The following ST6GALNAC3 variants were observed in gnomAD, a reference collection of about 807,000 sequenced individuals.
ST6GALNAC3 encodes the protein alpha-N-acetylgalactosaminide alpha-2,6-sialyltransferase 3.
A neutral mutation model predicts 32.7 loss-of-function variants in ST6GALNAC3; 25 were observed. The observed-to-expected ratio is 0.76, with a 90% CI of 0.56 to 1.07. ST6GALNAC3 has a LOEUF of 1.07. Among genes scored for constraint, ST6GALNAC3 ranks in the 50% least tolerant of loss-of-function variants. The pLI is 0.00. For synonymous variants in ST6GALNAC3, 129 were observed against 133.1 expected, an observed-to-expected ratio of 0.97 and a Z score of 0.21; for missense variants, 355 against 382.4, an observed-to-expected ratio of 0.93 and a Z score of 0.60.
chr1:76,095,193 T>A (rs1353011342), intron 1 of ST6GALNAC3, among the ~76,000 whole-genome samples: 1 of 152,144 alleles, frequency 6.6e-6, no homozygotes, highest in African/African-American at 2.4e-5. Context: ...CTGGGCATAG[T>A]AATCATATCT....
At chr1:76,127,698 A>T (rs1364192285) in intron 1 of ST6GALNAC3, among the ~76,000 whole-genome samples, 1 of 152,126 alleles carries the variant, frequency 6.6e-6, no homozygotes, top group African/African-American at 2.4e-5. Context: ...GGCAGCTGGT[A>T]ATATGTCAGC....
At chr1:76,332,125 A>C (rs1647198588) in intron 2 of ST6GALNAC3, among the ~76,000 whole-genome samples, 1 of 152,104 alleles carries the variant, frequency 6.6e-6, no homozygotes, top group African/African-American at 2.4e-5. Context: ...TCTTCCATCA[A>C]CTTAGTGTTT....
rs114586194 is a variant in ST6GALNAC3, at chr1:76,191,629, A to G, written c.18+116745A>G. On this transcript the variant is annotated intron_variant, in intron 1 of 4. Coordinates refer to ENST00000328299, the MANE Select transcript of ST6GALNAC3 (RefSeq NM_152996.4). ...AACATATATATGTATCAAAACATCA[A>G]TTGTACCCCATAAATATGTAAAATT... 9.2e-3 allele frequency among the ~76,000 whole-genome samples: 1,401 copies of G among 152,292 alleles called. 25 individuals are homozygous for G. Among genetic ancestry groups the G allele is most frequent in the African/African-American group, 0.031 (1,302 of 41,558 alleles).
intron 3 of ST6GALNAC3, among the ~76,000 whole-genome samples, chr1:76,521,100 G>A (rs1174284174): frequency 6.6e-6 from 1 of 151,828 alleles, no homozygotes; most frequent in Non-Finnish European, 1.5e-5. Flanking sequence ...ATAAAAATAT[G>A]TACCCATGTC....
At chr1:76,266,256 C>A (rs889951332) in intron 1 of ST6GALNAC3, among the ~76,000 whole-genome samples, 1 of 152,160 alleles carries the variant, frequency 6.6e-6, no homozygotes, top group Non-Finnish European at 1.5e-5. Context: ...GTGAGTAACT[C>A]CTTTTCCTGG....
chr1:76,386,406 C>CATTCA (rs151217873), intron 2 of ST6GALNAC3, among the ~76,000 whole-genome samples: 11,251 of 152,218 alleles, frequency 0.074, 467 homozygotes, highest in Middle Eastern at 0.12. Context: ...ATGTATTAAG[C>CATTCA]ATTCAGTAAA....
chr1:76,374,556 A>T (rs190495829), intron 2 of ST6GALNAC3, among the ~76,000 whole-genome samples: 1 of 152,238 alleles, frequency 6.6e-6, no homozygotes, highest in African/African-American at 2.4e-5. Flanking sequence ...TGACATGAAC[A>T]TATCGTAGAT....
chr1:76,078,749 A>C (rs780878263), intron 1 of ST6GALNAC3, among the ~76,000 whole-genome samples: 2 of 152,268 alleles, frequency 1.3e-5, no homozygotes, highest in South Asian at 4.1e-4. Flanking sequence ...CTACCATTGA[A>C]TAAAGAATCA....
chr1:76,312,234 A>T (rs1241888282), intron 1 of ST6GALNAC3, among the ~76,000 whole-genome samples: 2 of 152,208 alleles, frequency 1.3e-5, no homozygotes, highest in Non-Finnish European at 2.9e-5. Context: ...ATATGCAGAA[A>T]ACTGAAACTG....
rs187483850 is a variant in ST6GALNAC3, at chr1:76,450,907, T to C, written c.623+38490T>C. 3.9e-5 allele frequency among the ~76,000 whole-genome samples: 6 copies of C among 152,330 alleles called. No homozygotes were observed. The East Asian group carries it at 1.2e-3, about 29-fold the overall frequency. On this transcript the variant is annotated intron_variant, in intron 3 of 4. Transcript: ENST00000328299. ...GTTCTACATTCTGTCCATTGGTCTA[T>C]ATGCCTATCTTTATACCAGTAACAT... is the stretch of plus-strand genomic sequence containing the variant.
chr1:76,228,017 G>A (rs978921695), intron 1 of ST6GALNAC3, among the ~76,000 whole-genome samples: 7 of 152,196 alleles, frequency 4.6e-5, no homozygotes, highest in African/African-American at 1.2e-4. Flanking sequence ...TTAGCAAAGC[G>A]TGTATCTGGA....
At chr1:76,485,734 T>G (rs557812806) in intron 3 of ST6GALNAC3, among the ~76,000 whole-genome samples, 1 of 152,216 alleles carries the variant, frequency 6.6e-6, no homozygotes, top group African/African-American at 2.4e-5. Flanking sequence ...TCAGTTCTTC[T>G]CTGATCTTAG....
chr1:76,166,120 G>A (rs1460555469), intron 1 of ST6GALNAC3, among the ~76,000 whole-genome samples: 1 of 151,052 alleles, frequency 6.6e-6, no homozygotes, highest in African/African-American at 2.4e-5. Context: ...GCCTAAGTTG[G>A]AGTTTTTCTA....
intron 3 of ST6GALNAC3, among the ~76,000 whole-genome samples, chr1:76,479,895 TA>T (rs888389222): frequency 4.6e-5 from 7 of 151,828 alleles, no homozygotes; most frequent in South Asian, 4.2e-4. Flanking sequence ...TTATAAGCTG[TA>T]AAAAAAATCA....
At position 76,306,467 on chromosome 1, in the gene ST6GALNAC3, C is replaced by T. The variant is rs901817786; in HGVS notation, c.19-7338C>T. ...AGGACGCCTTCAACATGGTAATCTA[C>T]TTTAAGAATTTAGAGCACATGTCAG... On this transcript the variant is annotated intron_variant, in intron 1 of 4. Coordinates refer to ENST00000328299, the MANE Select transcript of ST6GALNAC3 (RefSeq NM_152996.4). 9.2e-5 allele frequency among the ~76,000 whole-genome samples: 14 copies of T among 152,044 alleles called. 2 individuals carry two copies. The highest frequency in any genetic ancestry group is 9.2e-4 in the Admixed American group (14 of 15,244).
chr1:76,442,250 T>C (rs1656666672), intron 3 of ST6GALNAC3, among the ~76,000 whole-genome samples: 1 of 152,236 alleles, frequency 6.6e-6, no homozygotes, highest in African/African-American at 2.4e-5. Context: ...CCATTCCAGA[T>C]TGATTCAGTC....
intron 3 of ST6GALNAC3, among the ~76,000 whole-genome samples, chr1:76,594,777 AT>A (rs1647106582): frequency 6.6e-6 from 1 of 152,130 alleles, no homozygotes; most frequent in South Asian, 2.1e-4. Flanking sequence ...CTGATTCTTG[AT>A]TTTATTTATG....
chr1:76,256,015 AACACAC>A (rs10635688), intron 1 of ST6GALNAC3, among the ~76,000 whole-genome samples: 2 of 148,554 alleles, frequency 1.3e-5, no homozygotes, highest in Admixed American at 6.7e-5. Flanking sequence ...TGTCAGTGGT[AACACAC>A]ACACACACAC....
intron 3 of ST6GALNAC3, among the ~76,000 whole-genome samples, chr1:76,449,926 G>T (rs943067169): frequency 1.3e-5 from 2 of 152,144 alleles, no homozygotes; most frequent in African/African-American, 4.8e-5. Flanking sequence ...CCCAAACAGT[G>T]TACACTGAAC....
Sources: allele counts gnomAD v4.1 joint callset (sites outside exome capture counted in the v4.1 genomes callset), GRCh38; gene constraint gnomAD v4.1.1; transcripts MANE v1.5; gene names NCBI Gene and HGNC (gene_info 2026-07-23, HGNC 2026-07-21).